TM7SF3: variants seen among roughly 807,000 people sequenced by gnomAD.
TM7SF3 encodes the protein transmembrane 7 superfamily member 3, also known as seven span transmembrane protein.
Under a neutral mutation model 65.5 loss-of-function variants are expected in TM7SF3, and 60 were observed. The ratio of observed to expected loss-of-function variants is 0.92; its 90% CI spans 0.74 to 1.14. The LOEUF (loss-of-function observed/expected upper bound fraction) is 1.14. TM7SF3 is among the 50% of genes most tolerant of loss of function. The pLI, the probability that TM7SF3 is intolerant of heterozygous loss-of-function variation, is 0.00. For synonymous variants in TM7SF3, 264 were observed against 259.6 expected (o/e 1.02, Z -0.16); for missense variants, 623 against 684.8 (o/e 0.91, Z 1.01).
intron 1 of TM7SF3, among the ~76,000 whole-genome samples, chr12:27,010,112 T>C (rs906427368): frequency 6.6e-6 from 1 of 152,236 alleles, no homozygotes; most frequent in African/African-American, 2.4e-5. Context: ...GTACTTCCTC[T>C]GGGCTTCAGT....
At chr12:27,000,169 C>T (rs188231468) in intron 2 of TM7SF3, among the ~76,000 whole-genome samples, 1 of 152,310 alleles carries the variant, frequency 6.6e-6, no homozygotes, top group Non-Finnish European at 1.5e-5. Context: ...TTCCCAAAGA[C>T]TCCACTTCCT....
intron 5 of TM7SF3, among the ~76,000 whole-genome samples, chr12:26,991,821 C>G (rs1368777940): frequency 6.6e-6 from 1 of 152,170 alleles, no homozygotes; most frequent in East Asian, 1.9e-4. Flanking sequence ...TAGTTTCTCC[C>G]CAACTCTACT....
At chr12:27,012,197 G>C (rs917493092) in intron 1 of TM7SF3, among the ~76,000 whole-genome samples, 2 of 152,138 alleles carry the variant, frequency 1.3e-5, no homozygotes, top group Admixed American at 1.3e-4. Context: ...GACTCACCTG[G>C]GTTCAAGTCC....
chr12:26,978,052 T>C (rs1280904719), intron 9 of TM7SF3: 2 of 450,200 alleles, frequency 4.4e-6, no homozygotes, highest in Admixed American at 2.4e-5. Context: ...GCTATGATAG[T>C]GTCACTGCAG....
At chr12:27,011,825 G>A (rs1172912400) in intron 1 of TM7SF3, among the ~76,000 whole-genome samples, 2 of 152,128 alleles carry the variant, frequency 1.3e-5, no homozygotes, top group East Asian at 3.8e-4. Context: ...GAATATCAGT[G>A]CTATAATCAT....
intron 5 of TM7SF3, among the ~76,000 whole-genome samples, chr12:26,992,160 C>T (rs1018110289): frequency 1.3e-5 from 2 of 152,108 alleles, no homozygotes; most frequent in African/African-American, 2.4e-5. Flanking sequence ...TTTAATGTAC[C>T]TCACCCACCA....
chr12:26,990,268 T>G (rs745423800), intron 6 of TM7SF3, among the ~76,000 whole-genome samples, 182 bp downstream of exon 6: 1 of 152,216 alleles, frequency 6.6e-6, no homozygotes, highest in Non-Finnish European at 1.5e-5. Context: ...TCCCTCACTA[T>G]AATATAAGCT....
chr12:26,985,808 T>A (rs1464470755), intron 6 of TM7SF3, among the ~76,000 whole-genome samples: 5 of 47,514 alleles, frequency 1.1e-4, no homozygotes, highest in Admixed American at 4.1e-4. Context: ...TCTTTTTCGT[T>A]TTTTTTTTTT....
chr12:26,980,620 T>G lies in TM7SF3; in HGVS notation c.982A>C (p.Met328Leu). 6.3e-7 allele frequency: 1 copy of G among 1,577,380 alleles called. No individual in the cohort carries two copies. Among genetic ancestry groups the G allele is most frequent in the Middle Eastern group, 1.7e-4 (1 of 5,998 alleles). ...ATCAGTATATAAAAGAAGAATCCCA[T>G]GATGATAAAGCCTATGAAGAATAAT... ...TELFFIGFII[M>L]GFFFYILITR... is the part of the protein sequence containing the mutation. Residue 328 changes from methionine (M) to leucine (L), a missense_variant, in exon 8 of 12, where the codon ATG becomes CTG. Met to Leu is a conservative substitution (Grantham distance 15, BLOSUM62 2). Transcript: ENST00000343028.
chr12:26,989,417 A>G (rs1036234371), intron 6 of TM7SF3, among the ~76,000 whole-genome samples: 3 of 152,196 alleles, frequency 2.0e-5, no homozygotes, highest in African/African-American at 7.2e-5. Context: ...AGATTGGGCA[A>G]CAGGAGTGAA....
Position 26,995,398 on chromosome 12 carries a change from G to A in TM7SF3, c.529C>T (p.Pro177Ser). Residue 177 changes from proline (P) to serine (S), a missense_variant, in exon 5 of 12, where the codon CCC becomes TCC. By Grantham distance (74) the Pro-to-Ser change is moderately conservative. Coordinates refer to ENST00000343028, the MANE Select transcript of TM7SF3 (RefSeq NM_016551.3). ...TCTGTCCCAGCGTCACATGGTGGGG[G>A]ATCTACGCCTCTAAAGTCAACCAAC... is the stretch of plus-strand genomic sequence containing the variant. ...ANLGYARGVD[P>S]PPCDAGTDQD... is the part of the protein sequence containing the mutation. The A allele has an allele frequency of 6.2e-7, 1 of 1,614,138 alleles. No individual in the cohort carries two copies. The highest frequency in any genetic ancestry group is 1.3e-5 in the African/African-American group (1 of 75,034).
At chr12:26,979,509 C>G in intron 9 of TM7SF3, 1 of 368,178 alleles carries the variant, frequency 2.7e-6, no homozygotes, top group East Asian at 5.0e-5. Flanking sequence ...ATTTCCTTTA[C>G]CTCCATTATT....
chr12:26,995,978 C>A (rs534692253), intron 4 of TM7SF3, among the ~76,000 whole-genome samples: 47 of 152,126 alleles, frequency 3.1e-4, no homozygotes, highest in African/African-American at 1.1e-3. Flanking sequence ...ATCAGTCAGG[C>A]CTAGAGTAAA....
intron 7 of TM7SF3, among the ~76,000 whole-genome samples, chr12:26,981,838 G>A (rs1429200301): frequency 1.3e-5 from 2 of 152,116 alleles, no homozygotes; most frequent in Non-Finnish European, 2.9e-5. Context: ...CCAATTCAGT[G>A]AGCATGATTT....
In TM7SF3 at chr12:26,974,392, T is replaced by C. The variant is rs183473342; in HGVS notation, c.1451-165A>G. The stretch of plus-strand genomic sequence containing the variant: ...CCTCAGTTACAAACCAAGGAATCAG[T>C]AGGGAAGCCACAGTCTTATTTTTGA... On this transcript the variant is annotated intron_variant, in intron 11 of 11. Coordinates refer to ENST00000343028, the MANE Select transcript of TM7SF3 (RefSeq NM_016551.3). Among the ~76,000 whole-genome samples, 299 of 152,306 alleles carry C rather than the reference T, an allele frequency of 2.0e-3. 1 individual carries two copies. Among genetic ancestry groups the C allele is most frequent in the African/African-American group, 6.8e-3 (284 of 41,570 alleles).
chr12:27,005,127 T>G (rs889188422), intron 1 of TM7SF3, among the ~76,000 whole-genome samples: 2 of 152,164 alleles, frequency 1.3e-5, no homozygotes, highest in Non-Finnish European at 2.9e-5. Context: ...ACTAAAAATG[T>G]TTCATTTATT....
At chr12:27,008,374 T>C (rs1436546178) in intron 1 of TM7SF3, among the ~76,000 whole-genome samples, 2 of 152,192 alleles carry the variant, frequency 1.3e-5, no homozygotes, top group Non-Finnish European at 2.9e-5. Context: ...TTACACATAT[T>C]AAAAATGGAA....
At chr12:27,013,970 C>T (rs768026576) in intron 1 of TM7SF3, 108 bp downstream of exon 1, 10 of 926,876 alleles carry the variant, frequency 1.1e-5, no homozygotes, top group Non-Finnish European at 1.7e-5. Context: ...TGTACCAACG[C>T]CCCCAGCACC....
chr12:27,013,143 T>C (rs1941314897), intron 1 of TM7SF3: 1 of 171,256 alleles, frequency 5.8e-6, no homozygotes. Flanking sequence ...TCATTTTAGT[T>C]TTACTCTCTA....
Sources: allele counts gnomAD v4.1 joint callset (sites outside exome capture counted in the v4.1 genomes callset), GRCh38; gene constraint gnomAD v4.1.1; transcripts MANE v1.5; gene names NCBI Gene and HGNC (gene_info 2026-07-23, HGNC 2026-07-21).